The following TMTC2 variants were observed in gnomAD, a reference collection of about 807,000 sequenced individuals.
TMTC2 encodes the protein transmembrane O-mannosyltransferase targeting cadherins 2.
TMTC2 carries 43 observed loss-of-function variants against 82.4 expected under a neutral mutation model. The ratio of observed to expected loss-of-function variants is 0.52; its 90% CI spans 0.41 to 0.67. The LOEUF (loss-of-function observed/expected upper bound fraction) is 0.67. Ranked by LOEUF, TMTC2 falls within the 30% of genes least tolerant of loss-of-function variation. The probability of loss-of-function intolerance (pLI) is 0.00; values close to 1 mark genes in which losing one functional copy is unlikely to be tolerated. For missense variants in TMTC2, 919 were observed against 1,012.4 expected (o/e 0.91, Z 1.25); for synonymous variants, 408 against 381.9 (o/e 1.07, Z -0.80).
At chr12:83,111,762 A>G (rs1198599884) in intron 11 of TMTC2, among the ~76,000 whole-genome samples, 1 of 152,178 alleles carries the variant, frequency 6.6e-6, no homozygotes, top group African/African-American at 2.4e-5. Context: ...TAAATGAATG[A>G]GTGAGTGAAT....
chr12:83,013,788 A>G (rs900300113), intron 8 of TMTC2, among the ~76,000 whole-genome samples: 2 of 152,262 alleles, frequency 1.3e-5, no homozygotes, highest in African/African-American at 2.4e-5. Flanking sequence ...TTTGAGATTC[A>G]TAGCAGCTTG....
At chr12:82,791,957 G>A (rs1467262184) in intron 1 of TMTC2, among the ~76,000 whole-genome samples, 1 of 152,092 alleles carries the variant, frequency 6.6e-6, no homozygotes, top group Non-Finnish European at 1.5e-5. Flanking sequence ...ATCATTCTCA[G>A]AACATGACAT....
chr12:82,875,444 T>C (rs1267911479), intron 2 of TMTC2, among the ~76,000 whole-genome samples: 1 of 152,096 alleles, frequency 6.6e-6, no homozygotes, highest in Non-Finnish European at 1.5e-5. Context: ...AGGCTGAGCC[T>C]GAGCGTGCAA....
At chr12:83,084,225 G>A (rs1883570399) in intron 11 of TMTC2, among the ~76,000 whole-genome samples, 1 of 152,124 alleles carries the variant, frequency 6.6e-6, no homozygotes, top group Non-Finnish European at 1.5e-5. Flanking sequence ...TGGAATACAT[G>A]GATACAAATC....
At chr12:82,773,462 CTTT>C (rs1156750613) in intron 1 of TMTC2, among the ~76,000 whole-genome samples, 6 of 129,790 alleles carry the variant, frequency 4.6e-5, no homozygotes, top group Admixed American at 7.6e-5. Context: ...AGTGATATTT[CTTT>C]TTTTTTTTTT....
chr12:82,907,423 A>G (rs1236791399), intron 3 of TMTC2, among the ~76,000 whole-genome samples: 3 of 151,678 alleles, frequency 2.0e-5, no homozygotes, highest in Non-Finnish European at 2.9e-5. Context: ...AGATTGTGCC[A>G]CTGCACTCCA....
intron 4 of TMTC2, among the ~76,000 whole-genome samples, chr12:82,956,459 C>CT (rs1877621021): frequency 6.6e-6 from 1 of 151,974 alleles, no homozygotes; most frequent in African/African-American, 2.4e-5. Context: ...AGACTTACTT[C>CT]ATTTATTTGT....
intron 7 of TMTC2, among the ~76,000 whole-genome samples, chr12:82,979,350 A>G (rs2137325922): frequency 6.6e-6 from 1 of 151,602 alleles, no homozygotes; most frequent in African/African-American, 2.4e-5. Flanking sequence ...ATATGATTTT[A>G]GTTTAAGGTT....
chr12:83,105,378 C>T lies in TMTC2; in HGVS notation c.2332-26832C>T, dbSNP rs557191690. ...TTCTTGCATTGCTATGAAGAAATAC[C>T]TGAGACTGGCTAATTCATAAGTAAG... On this transcript the variant is annotated intron_variant, in intron 11 of 11. Transcript: ENST00000321196. 3.3e-5 allele frequency among the ~76,000 whole-genome samples: 5 copies of T among 152,222 alleles called. No homozygotes were observed. In the South Asian group the frequency reaches 1.0e-3, roughly 32 times the overall value.
intron 1 of TMTC2, among the ~76,000 whole-genome samples, chr12:82,794,227 C>T (rs751533956): frequency 6.6e-6 from 1 of 152,102 alleles, no homozygotes; most frequent in Non-Finnish European, 1.5e-5. Context: ...CTGGGGCGCC[C>T]TCCTCTCTCA....
In TMTC2 at chr12:82,963,820, TA is replaced by T. The variant is rs1878055328; in HGVS notation, c.1599-1203del. On this transcript the variant is annotated intron_variant, in intron 4 of 11. Transcript: ENST00000321196. ...ATATATATATATATATATATATATA[TA>T]TATATATATATATATATATATATAT... is the stretch of plus-strand genomic sequence containing the variant. Among the ~76,000 whole-genome samples the T allele has an allele frequency of 2.3e-5, 2 of 86,626 alleles. 1 individual carries two copies. Among genetic ancestry groups the T allele is most frequent in the Non-Finnish European group, 4.4e-5 (2 of 45,862 alleles). 56.8% of individuals were successfully genotyped at this position (86,626 alleles called of 152,430 possible). A position where few individuals can be genotyped will look rare whatever the true frequency, so the allele number is the denominator to read the frequency against.
At chr12:82,812,570 T>C (rs969766889) in intron 1 of TMTC2, among the ~76,000 whole-genome samples, 3 of 152,076 alleles carry the variant, frequency 2.0e-5, no homozygotes, top group African/African-American at 7.2e-5. Flanking sequence ...CTATTGGATA[T>C]TTTCTGTATC....
rs183729443 is a variant in TMTC2, at chr12:82,755,533, G to T, written c.83+67864G>T. Among the ~76,000 whole-genome samples the T allele has an allele frequency of 3.5e-3, 532 of 152,256 alleles. 1 individual carries two copies. Among genetic ancestry groups the T allele is most frequent in the Non-Finnish European group, 5.9e-3 (404 of 68,014 alleles). On this transcript the variant is annotated intron_variant, in intron 1 of 11. Transcript: ENST00000321196. ...AAAAGAAGACTTTACTTTTTCTTCTGGAGTTTTTTTAGCCAATAATAAGCA... is the reference window on the plus strand; with the variant it reads ...AAAAGAAGACTTTACTTTTTCTTCTTGAGTTTTTTTAGCCAATAATAAGCA...
intron 8 of TMTC2, among the ~76,000 whole-genome samples, chr12:83,021,632 CTCT>C (rs1163065586): frequency 6.6e-6 from 1 of 151,934 alleles, no homozygotes. Context: ...TCATCTTTGA[CTCT>C]TCTTTTTCCA....
chr12:82,835,771 T>A (rs1870002556), intron 1 of TMTC2, among the ~76,000 whole-genome samples: 1 of 152,224 alleles, frequency 6.6e-6, no homozygotes, highest in Non-Finnish European at 1.5e-5. Context: ...GACATTGCAG[T>A]TGGTAAATCG....
chr12:83,012,224 T>A (rs1880493486), intron 8 of TMTC2, among the ~76,000 whole-genome samples: 1 of 152,138 alleles, frequency 6.6e-6, no homozygotes, highest in Non-Finnish European at 1.5e-5. Flanking sequence ...AGTAAGTATT[T>A]GTTGAACAAA....
chr12:82,962,768 A>G (rs2137298127), intron 4 of TMTC2, among the ~76,000 whole-genome samples: 1 of 152,122 alleles, frequency 6.6e-6, no homozygotes, highest in African/African-American at 2.4e-5. Context: ...CATGAGCCAC[A>G]TTTATGCATT....
At position 83,086,433 on chromosome 12, in the gene TMTC2, G is replaced by A. The variant is rs73134098; in HGVS notation, c.2331+24602G>A. 5.3e-3 allele frequency among the ~76,000 whole-genome samples: 800 copies of A among 152,312 alleles called. 4 individuals carry two copies. Among genetic ancestry groups the A allele is most frequent in the Non-Finnish European group, 9.1e-3 (622 of 68,022 alleles). On this transcript the variant is annotated intron_variant, in intron 11 of 11. Coordinates refer to ENST00000321196, the MANE Select transcript of TMTC2 (RefSeq NM_152588.3). Reference sequence around the variant, plus strand: ...TAAGATTGAGGACCTCTGGTTTAATGCACAGCATTCTGTTCTTGATGGGCG... The same window carrying A: ...TAAGATTGAGGACCTCTGGTTTAATACACAGCATTCTGTTCTTGATGGGCG...
At chr12:83,007,854 A>G (rs1298212183) in intron 8 of TMTC2, among the ~76,000 whole-genome samples, 1 of 152,124 alleles carries the variant, frequency 6.6e-6, no homozygotes, top group African/African-American at 2.4e-5. Context: ...TAGAAAGTTT[A>G]TAGTTCTGCT....
Sources: gnomAD v4.1 joint callset for allele counts (sites outside exome capture counted in the v4.1 genomes callset) on GRCh38, gnomAD v4.1.1 for gene constraint, MANE v1.5 for transcripts, NCBI Gene and HGNC (gene_info 2026-07-23, HGNC 2026-07-21) for gene names.